ARID1B: variants seen among roughly 807,000 people sequenced by gnomAD.
ARID1B encodes AT-rich interactive domain-containing protein 1B.
A neutral mutation model predicts 212.3 loss-of-function variants in ARID1B; 30 were observed. The ratio of observed to expected loss-of-function variants is 0.14; its 90% CI spans 0.11 to 0.19. The LOEUF (loss-of-function observed/expected upper bound fraction) is 0.19. Among genes scored for constraint, ARID1B ranks in the 10% least tolerant of loss-of-function variants. The pLI, the probability that ARID1B is intolerant of heterozygous loss-of-function variation, is 1.00. For synonymous variants in ARID1B, 1,402 were observed against 1,301.7 expected, an observed-to-expected ratio of 1.08 and a Z score of -1.66; for missense variants, 2,891 against 3,204.0, an observed-to-expected ratio of 0.90 and a Z score of 2.36.
intron 1 of ARID1B, among the ~76,000 whole-genome samples, chr6:156,798,183 G>A (rs190754601): frequency 2.6e-5 from 4 of 152,290 alleles, no homozygotes; most frequent in Admixed American, 6.5e-5. Flanking sequence ...TGCGCCTGCC[G>A]CTCTGCTTTC....
intron 4 of ARID1B, among the ~76,000 whole-genome samples, chr6:156,950,382 G>C (rs2128304201): frequency 6.6e-6 from 1 of 152,260 alleles, no homozygotes; most frequent in East Asian, 1.9e-4. Context: ...TGGTGAATCA[G>C]GTAGTATCAC....
chr6:156,839,639 A>G (rs1460489405), intron 2 of ARID1B, among the ~76,000 whole-genome samples: 1 of 152,194 alleles, frequency 6.6e-6, no homozygotes, highest in Non-Finnish European at 1.5e-5. Flanking sequence ...GGATGGGAAG[A>G]GTGATAACTT....
At chr6:157,194,720 G>C (rs774013850) in intron 15 of ARID1B, 4 of 152,010 alleles carry the variant, frequency 2.6e-5, no homozygotes, top group Non-Finnish European at 5.9e-5. Flanking sequence ...TGAATGTTAA[G>C]GTTTTCACCT....
intron 1 of ARID1B, among the ~76,000 whole-genome samples, chr6:156,795,877 TA>T (rs200660362): frequency 5.3e-5 from 8 of 151,980 alleles, no homozygotes; most frequent in African/African-American, 1.9e-4. Context: ...CACAGCTTTT[TA>T]AAAAAAAATT....
chr6:156,952,412 G>A (rs970547870), intron 4 of ARID1B, among the ~76,000 whole-genome samples: 2 of 152,254 alleles, frequency 1.3e-5, no homozygotes, highest in African/African-American at 4.8e-5. Context: ...GTGCTCCTAA[G>A]GAGTAACATG....
At chr6:156,883,590 C>G (rs944950833) in intron 2 of ARID1B, among the ~76,000 whole-genome samples, 1 of 151,834 alleles carries the variant, frequency 6.6e-6, no homozygotes, top group African/African-American at 2.4e-5. Flanking sequence ...GAGCCTGACA[C>G]ACATCAGCCC....
At chr6:156,825,107 C>T (rs1782652306) in intron 1 of ARID1B, among the ~76,000 whole-genome samples, 1 of 152,182 alleles carries the variant, frequency 6.6e-6, no homozygotes, top group South Asian at 2.1e-4. Flanking sequence ...TCAGGCAATC[C>T]ACCTGCCTCA....
chr6:157,043,490 A>G (rs980174120), intron 4 of ARID1B, among the ~76,000 whole-genome samples: 3 of 152,202 alleles, frequency 2.0e-5, no homozygotes, highest in South Asian at 2.1e-4. Context: ...GCCCAATTCT[A>G]TTACGTGGCA....
chr6:157,088,606 A>G (rs968752589), intron 5 of ARID1B, among the ~76,000 whole-genome samples: 9 of 152,172 alleles, frequency 5.9e-5, no homozygotes, highest in African/African-American at 2.2e-4. Context: ...TATTTGTGTG[A>G]TCTTGGTCAT....
chr6:156,825,104 A>G (rs138557772), intron 1 of ARID1B, among the ~76,000 whole-genome samples: 1,548 of 152,168 alleles, frequency 0.01, 31 homozygotes, highest in African/African-American at 0.035. Flanking sequence ...AGCTCAGGCA[A>G]TCCACCTGCC....
At chr6:156,810,840 G>A (rs1349557583) in intron 1 of ARID1B, among the ~76,000 whole-genome samples, 1 of 152,184 alleles carries the variant, frequency 6.6e-6, no homozygotes, top group Non-Finnish European at 1.5e-5. Context: ...TGTATTATTT[G>A]TATTAGCTTG....
intron 1 of ARID1B, among the ~76,000 whole-genome samples, chr6:156,800,495 A>G (rs1051639202): frequency 2.6e-5 from 4 of 152,074 alleles, no homozygotes; most frequent in Admixed American, 1.3e-4. Flanking sequence ...AGGTTGAATG[A>G]GGAGAACCTC....
chr6:156,995,642 A>G (rs959459020), intron 4 of ARID1B, among the ~76,000 whole-genome samples: 11 of 152,218 alleles, frequency 7.2e-5, no homozygotes, highest in African/African-American at 2.7e-4. Flanking sequence ...GGACAAGTGC[A>G]AGTGAGAAGA....
At chr6:156,886,735 A>G (rs1232297402) in intron 2 of ARID1B, among the ~76,000 whole-genome samples, 1 of 152,218 alleles carries the variant, frequency 6.6e-6, no homozygotes, top group Non-Finnish European at 1.5e-5. Context: ...CCGGAAGTGT[A>G]TGATAAAGTA....
chr6:157,121,315 C>T (rs1352958482), intron 6 of ARID1B, among the ~76,000 whole-genome samples: 1 of 152,186 alleles, frequency 6.6e-6, no homozygotes, highest in Admixed American at 6.5e-5. Context: ...AGCTTCATCA[C>T]TGTTTCCTTT....
Position 157,207,906 on chromosome 6 carries a change from C to CAGTTATGACAT in ARID1B, c.*16_*17insGTTATGACATA. Reference sequence around the variant, plus strand: ...GGCAGTTATGACATAAGTGAGAAGGCAAGCATGTGTGAGTGAAGATTAGAG... The same window carrying CAGTTATGACAT: ...GGCAGTTATGACATAAGTGAGAAGGCAGTTATGACATAAGCATGTGTGAGTGAAGATTAGAG... On this transcript the variant is annotated 3_prime_UTR_variant, in exon 20 of 20. Coordinates refer to ENST00000636930, the MANE Select transcript of ARID1B (RefSeq NM_001374828.1). The surrounding 1 kb of genome is among the most constrained non-coding windows in gnomAD (Gnocchi z 8.5). The CAGTTATGACAT allele has an allele frequency of 6.8e-7, 1 of 1,470,650 alleles. No homozygotes were observed. The highest frequency in any genetic ancestry group is 9.0e-7 in the Non-Finnish European group (1 of 1,107,362). The allele number at this position is 1,470,650 out of a possible 1,614,324, so 91.1% of individuals were successfully genotyped here. A position where few individuals can be genotyped will look rare whatever the true frequency, so the allele number is the denominator to read the frequency against.
intron 5 of ARID1B, among the ~76,000 whole-genome samples, chr6:157,098,766 G>A (rs922530815): frequency 7.2e-5 from 11 of 152,066 alleles, no homozygotes; most frequent in Non-Finnish European, 1.5e-4. Context: ...CCCCAGAGTC[G>A]GTCCTGAGTG....
intron 5 of ARID1B, among the ~76,000 whole-genome samples, chr6:157,100,210 A>G (rs1415001802): frequency 6.6e-6 from 1 of 152,194 alleles, no homozygotes; most frequent in Admixed American, 6.5e-5. Context: ...ACAATAAAGA[A>G]TTGTGTTGAC....
chr6:156,849,833 G>A (rs1272445663), intron 2 of ARID1B, among the ~76,000 whole-genome samples: 1 of 151,990 alleles, frequency 6.6e-6, no homozygotes, highest in Non-Finnish European at 1.5e-5. Context: ...CGTGTCATTG[G>A]CCCTGACACT....
Sources: gnomAD v4.1 joint callset for allele counts (sites outside exome capture counted in the v4.1 genomes callset) on GRCh38, gnomAD v4.1.1 for gene constraint, Gnocchi (gnomAD v3.1) non-coding constraint, MANE v1.5 for transcripts, NCBI Gene and HGNC (gene_info 2026-07-23, HGNC 2026-07-21) for gene names.